The following RBFOX1 variants were observed in gnomAD, a reference collection of about 807,000 sequenced individuals.
RBFOX1 encodes the protein RNA binding protein fox-1 homolog 1.
RBFOX1 carries 8 observed loss-of-function variants against 57.7 expected under a neutral mutation model. That is an observed-to-expected ratio of 0.14 (90% confidence interval 0.08 to 0.25). The LOEUF is 0.25. RBFOX1 is among the 10% of genes least tolerant of loss of function. RBFOX1 has a pLI of 1.00. For synonymous variants in RBFOX1, 326 were observed against 222.4 expected (o/e 1.47, Z -4.15); for missense variants, 611 against 548.5 (o/e 1.11, Z -1.14).
chr16:6,949,635 G>C (rs189903497), intron 3 of RBFOX1, among the ~76,000 whole-genome samples: 1 of 151,934 alleles, frequency 6.6e-6, no homozygotes, highest in Non-Finnish European at 1.5e-5. Flanking sequence ...TCTAAAAATG[G>C]CAGTCAAATT....
chr16:5,428,303 G>A (rs982944980), intron 1 of RBFOX1, among the ~76,000 whole-genome samples: 2 of 152,186 alleles, frequency 1.3e-5, no homozygotes, highest in Non-Finnish European at 2.9e-5. Context: ...TGAGGTTCAA[G>A]CATCCAGCAC....
At chr16:6,734,052 A>T (rs148481023) in intron 3 of RBFOX1, among the ~76,000 whole-genome samples, 6 of 152,314 alleles carry the variant, frequency 3.9e-5, no homozygotes, top group African/African-American at 1.4e-4. Context: ...TGCCATGGTC[A>T]TTTTAGAGAA....
At chr16:6,928,601 A>T (rs1274711130) in intron 3 of RBFOX1, among the ~76,000 whole-genome samples, 2 of 152,176 alleles carry the variant, frequency 1.3e-5, no homozygotes, top group Admixed American at 6.5e-5. Flanking sequence ...TGTGTCTTAC[A>T]GTTACCCTGT....
At chr16:6,610,799 T>C (rs1441302790) in intron 2 of RBFOX1, among the ~76,000 whole-genome samples, 3 of 152,188 alleles carry the variant, frequency 2.0e-5, no homozygotes, top group Non-Finnish European at 4.4e-5. Flanking sequence ...ATCCCCTGCT[T>C]TGAGAAGTAG....
chr16:6,971,835 A>G (rs2085616718), intron 3 of RBFOX1, among the ~76,000 whole-genome samples: 1 of 152,096 alleles, frequency 6.6e-6, no homozygotes, highest in African/African-American at 2.4e-5. Context: ...CTAAGAGCAG[A>G]GAAGTGTCTG....
chr16:7,273,307 G>A (rs1007716472), intron 4 of RBFOX1, among the ~76,000 whole-genome samples: 1 of 142,642 alleles, frequency 7.0e-6, no homozygotes, highest in Non-Finnish European at 1.5e-5. Context: ...GTTACGCTAA[G>A]TTTTGGAAAC....
At chr16:5,645,662 T>C (rs7196863) in intron 3 of RBFOX1, among the ~76,000 whole-genome samples, 129,643 of 152,208 alleles carry the variant, frequency 0.85, 57,795 homozygotes, top group East Asian at 1. Context: ...TATTATGTAT[T>C]TACATACGTA....
chr16:7,493,815 A>C (rs188831631), intron 4 of RBFOX1, among the ~76,000 whole-genome samples: 1 of 152,338 alleles, frequency 6.6e-6, no homozygotes, highest in East Asian at 1.9e-4. Context: ...TGAAGCCACA[A>C]TGTTTCTGGT....
At chr16:7,314,217 T>C (rs950497249) in intron 4 of RBFOX1, among the ~76,000 whole-genome samples, 1 of 152,144 alleles carries the variant, frequency 6.6e-6, no homozygotes, top group Non-Finnish European at 1.5e-5. Context: ...TCTGTTGTAC[T>C]GGGGAGCTCT....
At chr16:6,356,134 A>G (rs1001434322) in intron 2 of RBFOX1, among the ~76,000 whole-genome samples, 2 of 152,258 alleles carry the variant, frequency 1.3e-5, no homozygotes, top group Non-Finnish European at 1.5e-5. Context: ...AAAATCCCAG[A>G]TAATGTATGC....
At chr16:6,096,965 G>C (rs1365521836) in intron 1 of RBFOX1, among the ~76,000 whole-genome samples, 1 of 152,014 alleles carries the variant, frequency 6.6e-6, no homozygotes, top group Non-Finnish European at 1.5e-5. Context: ...GTTTGGCTGT[G>C]TCCCACCCAA....
At chr16:6,084,097 C>G (rs936272008) in intron 1 of RBFOX1, among the ~76,000 whole-genome samples, 1 of 152,156 alleles carries the variant, frequency 6.6e-6, no homozygotes, top group Non-Finnish European at 1.5e-5. Context: ...GGGGCCTGAG[C>G]TTTTCAATCT....
At position 6,063,232 on chromosome 16, in the gene RBFOX1, G is replaced by A. The variant is rs188019969; in HGVS notation, c.-127+43240G>A. Among the ~76,000 whole-genome samples, 40 of 152,122 alleles carry A rather than the reference G, an allele frequency of 2.6e-4. No homozygotes were observed. The East Asian group carries it at 6.8e-3, about 26-fold the overall frequency. ...AGCAAGAGGGAAAGAAAACTATCAAGGCAGAGGCTGCCATGATCACCACAT... is the reference window on the plus strand; with the variant it reads ...AGCAAGAGGGAAAGAAAACTATCAAAGCAGAGGCTGCCATGATCACCACAT... On this transcript the variant is annotated intron_variant, in intron 1 of 15. Coordinates refer to ENST00000550418, the MANE Select transcript of RBFOX1 (RefSeq NM_018723.4).
intron 5 of RBFOX1, among the ~76,000 whole-genome samples, chr16:7,538,797 C>G (rs559888209): frequency 2.6e-5 from 4 of 152,140 alleles, no homozygotes; most frequent in Admixed American, 2.0e-4. Context: ...CAAGGTTTCC[C>G]ACAGATGTCT....
chr16:6,679,082 A>T (rs563328696), intron 3 of RBFOX1, among the ~76,000 whole-genome samples: 2 of 152,236 alleles, frequency 1.3e-5, no homozygotes, highest in South Asian at 4.1e-4. Flanking sequence ...CTTTTTGAAC[A>T]GAGAGAGAGG....
intron 3 of RBFOX1, among the ~76,000 whole-genome samples, chr16:5,789,795 A>G (rs1177680641): frequency 1.3e-5 from 2 of 152,168 alleles, no homozygotes; most frequent in Admixed American, 1.3e-4. Context: ...TGATCTCAAG[A>G]TGTCTCCTTC....
At position 7,286,073 on chromosome 16, in the gene RBFOX1, A is replaced by C. The variant is rs117408221; in HGVS notation, c.28-232074A>C. Reference sequence around the variant, plus strand: ...GAACACTGTACAATTCTTAGAACATAATTTACCACTCTATAAATATTTATA... The same window carrying C: ...GAACACTGTACAATTCTTAGAACATCATTTACCACTCTATAAATATTTATA... On this transcript the variant is annotated intron_variant, in intron 4 of 15. Coordinates refer to ENST00000550418, the MANE Select transcript of RBFOX1 (RefSeq NM_018723.4). 1.6e-3 allele frequency among the ~76,000 whole-genome samples: 238 copies of C among 152,322 alleles called. 5 individuals are homozygous for C. The East Asian group carries it at 0.031, about 20-fold the overall frequency.
chr16:7,355,635 C>T (rs375532335), intron 4 of RBFOX1, among the ~76,000 whole-genome samples: 4 of 152,110 alleles, frequency 2.6e-5, no homozygotes, highest in South Asian at 2.1e-4. Context: ...TGTACAGGTC[C>T]ACTCTATCAT....
intron 4 of RBFOX1, among the ~76,000 whole-genome samples, chr16:5,954,229 A>G (rs1400859940): frequency 6.6e-6 from 1 of 152,140 alleles, no homozygotes; most frequent in East Asian, 1.9e-4. Context: ...CCGTGGTCTC[A>G]TGGATGGAGG....
Sources: allele counts gnomAD v4.1 joint callset (sites outside exome capture counted in the v4.1 genomes callset), GRCh38; gene constraint gnomAD v4.1.1; transcripts MANE v1.5; gene names NCBI Gene and HGNC (gene_info 2026-07-23, HGNC 2026-07-21).